MACROD2: variants seen among roughly 807,000 people sequenced by gnomAD.
MACROD2 encodes the protein mono-ADP ribosylhydrolase 2.
Under a neutral mutation model 70.4 loss-of-function variants are expected in MACROD2, and 36 were observed. The ratio of observed to expected loss-of-function variants is 0.51; its 90% CI spans 0.39 to 0.68. MACROD2 has a LOEUF of 0.68. MACROD2 is among the 30% of genes least tolerant of loss of function. The probability of loss-of-function intolerance (pLI) is 0.00; values close to 1 mark genes in which losing one functional copy is unlikely to be tolerated. For synonymous variants in MACROD2, 172 were observed against 178.8 expected, an observed-to-expected ratio of 0.96 and a Z score of 0.30; for missense variants, 496 against 538.4, an observed-to-expected ratio of 0.92 and a Z score of 0.78.
intron 3 of MACROD2, among the ~76,000 whole-genome samples, chr20:14,316,213 A>C (rs2082610744): frequency 6.6e-6 from 1 of 152,296 alleles, no homozygotes; most frequent in African/African-American, 2.4e-5. Flanking sequence ...AGCTACAAGA[A>C]AGACAAGTGT....
intron 6 of MACROD2, among the ~76,000 whole-genome samples, chr20:15,358,775 T>A (rs918217252): frequency 6.6e-6 from 1 of 151,730 alleles, no homozygotes; most frequent in Non-Finnish European, 1.5e-5. Context: ...CTTCTCCCTG[T>A]GCCCTCCAGA....
At chr20:14,601,814 C>T (rs562636156) in intron 4 of MACROD2, among the ~76,000 whole-genome samples, 1 of 152,160 alleles carries the variant, frequency 6.6e-6, no homozygotes, top group Non-Finnish European at 1.5e-5. Flanking sequence ...CATTAGCCAA[C>T]TAATTTCTAG....
intron 3 of MACROD2, among the ~76,000 whole-genome samples, chr20:14,259,047 A>G (rs1480577249): frequency 6.6e-6 from 1 of 152,156 alleles, no homozygotes; most frequent in African/African-American, 2.4e-5. Flanking sequence ...GGTTCAAGCA[A>G]TTCCCCTGCC....
At chr20:15,021,577 TTCCATGTCA>T (rs2075185538) in intron 5 of MACROD2, 1 of 151,654 alleles carries the variant, frequency 6.6e-6, no homozygotes, top group South Asian at 2.1e-4. Context: ...CTTCACAAGT[TTCCATGTCA>T]TCCATGCACA....
intron 8 of MACROD2, among the ~76,000 whole-genome samples, chr20:15,602,093 A>T (rs2048829883): frequency 6.6e-6 from 1 of 152,134 alleles, no homozygotes; most frequent in Non-Finnish European, 1.5e-5. Flanking sequence ...AAATAACGTG[A>T]TGGATGCCAG....
In MACROD2 at chr20:15,328,621, A is replaced by G. The variant is rs190585182; in HGVS notation, c.540+98560A>G. Reference sequence around the variant, plus strand: ...TGGACAGAAATTAATTGCATTGCACAGCTAAACCTGGGGTCTCCCTGCTGG... The same window carrying G: ...TGGACAGAAATTAATTGCATTGCACGGCTAAACCTGGGGTCTCCCTGCTGG... On this transcript the variant is annotated intron_variant, in intron 6 of 17. Coordinates refer to ENST00000684519, the MANE Select transcript of MACROD2 (RefSeq NM_001351661.2). Among the ~76,000 whole-genome samples the G allele has an allele frequency of 5.2e-3, 795 of 152,254 alleles. 2 individuals carry two copies. Among genetic ancestry groups the G allele is most frequent in the Middle Eastern group, 0.02 (6 of 294 alleles).
chr20:16,023,743 G>A (rs564676019), intron 15 of MACROD2, among the ~76,000 whole-genome samples: 8 of 152,276 alleles, frequency 5.3e-5, no homozygotes, highest in Non-Finnish European at 1.0e-4. Flanking sequence ...ACAGTCATGG[G>A]TAGGGAAGCT....
At chr20:15,020,420 T>G (rs2122959966) in intron 5 of MACROD2, among the ~76,000 whole-genome samples, 1 of 152,268 alleles carries the variant, frequency 6.6e-6, no homozygotes, top group South Asian at 2.1e-4. Context: ...TATGTTGTGA[T>G]CATATTTGTT....
At chr20:15,047,261 G>T (rs2075402135) in intron 5 of MACROD2, among the ~76,000 whole-genome samples, 1 of 152,196 alleles carries the variant, frequency 6.6e-6, no homozygotes, top group Admixed American at 6.5e-5. Context: ...GCAGTGTGGT[G>T]TGCTATCTAC....
chr20:14,177,397 A>G (rs2081271630), intron 3 of MACROD2, among the ~76,000 whole-genome samples: 1 of 144,126 alleles, frequency 6.9e-6, no homozygotes, highest in Non-Finnish European at 1.5e-5. Context: ...GCTCACTGCT[A>G]CCTCCACCTC....
intron 8 of MACROD2, among the ~76,000 whole-genome samples, chr20:15,804,160 C>G (rs1177448102): frequency 6.6e-6 from 1 of 152,186 alleles, no homozygotes; most frequent in South Asian, 2.1e-4. Context: ...TCCATCAGAT[C>G]AGGCCCTACT....
intron 3 of MACROD2, among the ~76,000 whole-genome samples, chr20:14,247,375 G>A (rs1320127433): frequency 1.3e-5 from 2 of 152,110 alleles, no homozygotes; most frequent in Non-Finnish European, 2.9e-5. Context: ...CATCTCACTG[G>A]TTGTTGTGGT....
At chr20:14,149,213 C>T (rs1348979717) in intron 3 of MACROD2, among the ~76,000 whole-genome samples, 1 of 151,106 alleles carries the variant, frequency 6.6e-6, no homozygotes, top group Non-Finnish European at 1.5e-5. Context: ...TTTGAGTACC[C>T]AATGTTTAGC....
chr20:15,534,778 G>A (rs1034757559), intron 8 of MACROD2, among the ~76,000 whole-genome samples: 2 of 152,168 alleles, frequency 1.3e-5, no homozygotes, highest in African/African-American at 4.8e-5. Flanking sequence ...AGGCCCTGGA[G>A]TTCTGAGTTT....
In MACROD2 at chr20:15,889,345, A is replaced by T. The variant is rs114878407; in HGVS notation, c.775+3534A>T. Among the ~76,000 whole-genome samples, 337 of 152,222 alleles carry T rather than the reference A, an allele frequency of 2.2e-3. 1 individual carries two copies. The highest frequency in any genetic ancestry group is 7.8e-3 in the African/African-American group (326 of 41,548). ...TGTGCCAATAACGTGACATGCATGAACTCATTTAATAAACACAGCAATTCT... is the reference window on the plus strand; with the variant it reads ...TGTGCCAATAACGTGACATGCATGATCTCATTTAATAAACACAGCAATTCT... On this transcript the variant is annotated intron_variant, in intron 10 of 17. Coordinates refer to ENST00000684519, the MANE Select transcript of MACROD2 (RefSeq NM_001351661.2).
At chr20:15,982,935 GAGAT>G (rs956710112) in intron 13 of MACROD2, among the ~76,000 whole-genome samples, 1 of 152,236 alleles carries the variant, frequency 6.6e-6, no homozygotes, top group Non-Finnish European at 1.5e-5. Context: ...GTTGTTTTGA[GAGAT>G]AGGCCACTGG....
rs567004240 is a variant in MACROD2 at position 14,353,850 on chromosome 20, G to T, written c.272-139629G>T. The stretch of plus-strand genomic sequence containing the variant: ...ATGCCTAAATTGATTACTTGTAAGG[G>T]TCTACAAGACCATGATGATTGGCTG... On this transcript the variant is annotated intron_variant, in intron 3 of 17. Coordinates refer to ENST00000684519, the MANE Select transcript of MACROD2 (RefSeq NM_001351661.2). Among the ~76,000 whole-genome samples the T allele has an allele frequency of 9.9e-5, 15 of 152,188 alleles. 1 individual carries two copies. In the East Asian group the frequency reaches 2.9e-3, roughly 29 times the overall value.
intron 4 of MACROD2, among the ~76,000 whole-genome samples, chr20:14,579,287 G>T (rs1980843928): frequency 6.6e-6 from 1 of 151,112 alleles, no homozygotes; most frequent in South Asian, 2.1e-4. Context: ...GACTACAGGC[G>T]CCCGCCACCG....
At chr20:15,699,394 G>GGTGTT (rs1317333303) in intron 8 of MACROD2, among the ~76,000 whole-genome samples, 1 of 152,154 alleles carries the variant, frequency 6.6e-6, no homozygotes, top group Non-Finnish European at 1.5e-5. Context: ...GCTGGTACTG[G>GGTGTT]GTGTTGTCTG....
Sources: allele counts gnomAD v4.1 joint callset (sites outside exome capture counted in the v4.1 genomes callset), GRCh38; gene constraint gnomAD v4.1.1; transcripts MANE v1.5; gene names NCBI Gene and HGNC (gene_info 2026-07-23, HGNC 2026-07-21).